Variants in ETS2 observed in about 807,000 individuals in gnomAD.
ETS2 encodes protein C-ets-2.
A neutral mutation model predicts 54.9 loss-of-function variants in ETS2; 19 were observed. The ratio of observed to expected loss-of-function variants is 0.35; its 90% CI spans 0.24 to 0.51. ETS2 has a LOEUF of 0.51. Among genes scored for constraint, ETS2 ranks in the 20% least tolerant of loss-of-function variants. The pLI is 0.97. For synonymous variants in ETS2, 219 were observed against 229.3 expected (o/e 0.95, Z 0.41); for missense variants, 417 against 593.0 (o/e 0.70, Z 3.08).
In ETS2 at chr21:38,805,948, T is replaced by A; in HGVS notation, c.-173T>A. The A allele has an allele frequency of 7.9e-7, 1 of 1,269,278 alleles. No individual in the cohort carries two copies. The highest frequency in any genetic ancestry group is 1.3e-5 in the South Asian group (1 of 79,352). The allele number at this position is 1,269,278 out of a possible 1,614,324, so 78.6% of individuals were successfully genotyped here. Reference sequence around the variant, plus strand: ...CGGCCCGGTTACTTCCTCCAGAGACTGACGAGTGCGGTGTCGCTCCAGCTC... The same window carrying A: ...CGGCCCGGTTACTTCCTCCAGAGACAGACGAGTGCGGTGTCGCTCCAGCTC... On this transcript the variant is annotated 5_prime_UTR_variant, in exon 1 of 10. Coordinates refer to ENST00000360938, the MANE Select transcript of ETS2 (RefSeq NM_005239.6). This position sits in a 1 kb window ranked among gnomAD's most constrained non-coding sequence, Gnocchi z 5.2.
At position 38,821,440 on chromosome 21, in the gene ETS2, G is replaced by A; in HGVS notation, c.1076-146G>A. ...CTTAGTACTGTCACCAACACCTTGA[G>A]TGCCACCCTGAGTGTAACATCGGAA... On this transcript the variant is annotated intron_variant, in intron 8 of 9. Transcript: ENST00000360938. This position sits in a 1 kb window ranked among gnomAD's most constrained non-coding sequence, Gnocchi z 4.2. 1 of 695,298 alleles carries A rather than the reference G, an allele frequency of 1.4e-6. No homozygotes were observed. The highest frequency in any genetic ancestry group is 2.5e-5 in the East Asian group (1 of 40,092). The allele number at this position is 695,298 out of a possible 1,614,324, so 43.1% of individuals were successfully genotyped here. A position where few individuals can be genotyped will look rare whatever the true frequency, so the allele number is the denominator to read the frequency against.
Position 38,809,054 on chromosome 21 carries a change from T to C in ETS2, c.1-981T>C, listed in dbSNP as rs556666844. On this transcript the variant is annotated intron_variant, in intron 1 of 9. Coordinates refer to ENST00000360938, the MANE Select transcript of ETS2 (RefSeq NM_005239.6). ...CCAAATAAATTTTCAGCCTATTATG[T>C]CATTGTCCAATTACAAGCCTCATTG... Among the ~76,000 whole-genome samples the C allele has an allele frequency of 2.6e-3, 401 of 152,376 alleles. 1 individual carries two copies. The highest frequency in any genetic ancestry group is 4.5e-3 in the Non-Finnish European group (308 of 68,040).
In ETS2 at chr21:38,824,425, C is replaced by CG. The variant is rs2060970927; in HGVS notation, c.*1538dup. ...AGAGCACCTGAGTCATGTGTATTCCCGGCCTTTATAAATGACCCGGTCAAG... is the reference window on the plus strand; with the variant it reads ...AGAGCACCTGAGTCATGTGTATTCCCGGGCCTTTATAAATGACCCGGTCAAG... On this transcript the variant is annotated 3_prime_UTR_variant, in exon 10 of 10. Transcript: ENST00000360938. 7.5e-6 allele frequency: 1 copy of CG among 133,564 alleles called. No homozygotes were observed. Among genetic ancestry groups the CG allele is most frequent in the Non-Finnish European group, 1.7e-5 (1 of 59,320 alleles). 8.3% of individuals were successfully genotyped at this position (133,564 alleles called of 1,614,324 possible). A position where few individuals can be genotyped will look rare whatever the true frequency, so the allele number is the denominator to read the frequency against.
intron 5 of ETS2, among the ~76,000 whole-genome samples, chr21:38,815,358 T>C (rs2060929056): frequency 6.6e-6 from 1 of 152,130 alleles, no homozygotes; most frequent in South Asian, 2.1e-4. Context: ...CTAAGAGATA[T>C]GGCAGCCTTA....
upstream of ETS2, chr21:38,805,921 G>A (rs2060890229): frequency 1.6e-6 from 2 of 1,248,694 alleles, no homozygotes; most frequent in Non-Finnish European, 1.0e-6. The surrounding 1 kb of genome is among the most constrained non-coding windows in gnomAD (Gnocchi z 5.2). Context: ...CCGCGTGGGG[G>A]ACGGCCCGGT....
intron 8 of ETS2, among the ~76,000 whole-genome samples, chr21:38,820,088 T>G (rs1280626166): frequency 6.6e-6 from 1 of 152,126 alleles, no homozygotes; most frequent in African/African-American, 2.4e-5. Flanking sequence ...ACTCCAAGAA[T>G]CTCAAAGAAT....
chr21:38,807,312 T>C (rs2060897380), intron 1 of ETS2, among the ~76,000 whole-genome samples: 1 of 152,178 alleles, frequency 6.6e-6, no homozygotes, highest in African/African-American at 2.4e-5. Context: ...ATCTAAATAA[T>C]CTTACATAAG....
upstream of ETS2, chr21:38,805,201 G>A: frequency 3.3e-6 from 2 of 612,612 alleles, no homozygotes; most frequent in South Asian, 2.1e-5. The surrounding 1 kb of genome is among the most constrained non-coding windows in gnomAD (Gnocchi z 5.2). Context: ...CGCGGAGCCT[G>A]CGGGATCGGG....
At chr21:38,820,438 C>G (rs2060953423) in intron 8 of ETS2, among the ~76,000 whole-genome samples, 1 of 152,218 alleles carries the variant, frequency 6.6e-6, no homozygotes. Context: ...TTTCTGTCAT[C>G]TAAGAACAAT....
At chr21:38,815,394 A>G (rs1364727389) in intron 5 of ETS2, among the ~76,000 whole-genome samples, 1 of 152,196 alleles carries the variant, frequency 6.6e-6, no homozygotes, top group African/African-American at 2.4e-5. Context: ...CTTTACTCAC[A>G]TAAACCCTGT....
At chr21:38,816,612 G>A (rs1369629530) in intron 5 of ETS2, among the ~76,000 whole-genome samples, 2 of 152,162 alleles carry the variant, frequency 1.3e-5, no homozygotes, top group Non-Finnish European at 2.9e-5. Context: ...GGAAGCAGTG[G>A]AACTGTAAGC....
chr21:38,815,323 C>T (rs751886751), intron 5 of ETS2, among the ~76,000 whole-genome samples: 4 of 151,988 alleles, frequency 2.6e-5, no homozygotes, highest in African/African-American at 9.7e-5. Flanking sequence ...AGAATTCCCA[C>T]GTCTTCTGAG....
At position 38,805,997 on chromosome 21, in the gene ETS2, A is replaced by C. The variant is rs2060890705; in HGVS notation, c.-124A>C. On this transcript the variant is annotated 5_prime_UTR_variant, in exon 1 of 10. Transcript: ENST00000360938. This position sits in a 1 kb window ranked among gnomAD's most constrained non-coding sequence, Gnocchi z 5.2. The stretch of plus-strand genomic sequence containing the variant: ...TCAGAGCTCCCGGAGCCGCCCGGCC[A>C]GCGTCCGGCCTCCCTGATCGTCTCT... 1 of 1,263,512 alleles carries C rather than the reference A, an allele frequency of 7.9e-7. No individual in the cohort carries two copies. The highest frequency in any genetic ancestry group is 1.6e-5 in the African/African-American group (1 of 62,492). 78.3% of individuals were successfully genotyped at this position (1,263,512 alleles called of 1,614,324 possible).
Position 38,821,824 on chromosome 21 carries a change from G to T in ETS2, c.1194+120G>T. The T allele has an allele frequency of 1.4e-6, 1 of 712,622 alleles. No individual in the cohort carries two copies. The highest frequency in any genetic ancestry group is 1.6e-5 in the South Asian group (1 of 60,692). The allele number at this position is 712,622 out of a possible 1,614,324, so 44.1% of individuals were successfully genotyped here. ...CCAGTACTGCTGAGAATCTTTCCAC[G>T]TGAGGCATCCTTGGCTGTTGGGAAA... On this transcript the variant is annotated intron_variant, in intron 9 of 9. Coordinates refer to ENST00000360938, the MANE Select transcript of ETS2 (RefSeq NM_005239.6). The surrounding 1 kb of genome is among the most constrained non-coding windows in gnomAD (Gnocchi z 4.2).
At chr21:38,809,575 C>A (rs2060906186) in intron 1 of ETS2, 1 of 155,010 alleles carries the variant, frequency 6.5e-6, no homozygotes, top group Non-Finnish European at 1.4e-5. Context: ...TAGAAATGAC[C>A]CCTGCAGCTG....
intron 7 of ETS2, 113 bp downstream of exon 7, chr21:38,818,759 C>CA (rs2060945471): frequency 6.5e-6 from 8 of 1,231,268 alleles, no homozygotes; most frequent in Non-Finnish European, 9.3e-6. Context: ...AGAAGGGGGT[C>CA]AAAGCCCATG....
rs1194176506 is a variant in ETS2 at position 38,814,461 on chromosome 21, A to G, written c.304+69A>G. 2 of 1,580,540 alleles carry G rather than the reference A, an allele frequency of 1.3e-6. No homozygotes were observed. Among genetic ancestry groups the G allele is most frequent in the Admixed American group, 3.5e-5 (2 of 56,764 alleles). On this transcript the variant is annotated intron_variant, in intron 4 of 9. Transcript: ENST00000360938. This position sits in a 1 kb window ranked among gnomAD's most constrained non-coding sequence, Gnocchi z 4.2. Reference sequence around the variant, plus strand: ...ACTTCAGTGCAGTTGTTTGATCTTGACTTGTTTATTAAGCTTTTGCTTGGG... The same window carrying G: ...ACTTCAGTGCAGTTGTTTGATCTTGGCTTGTTTATTAAGCTTTTGCTTGGG...
chr21:38,807,647 C>G (rs557422604), intron 1 of ETS2, among the ~76,000 whole-genome samples: 1 of 152,192 alleles, frequency 6.6e-6, no homozygotes, highest in East Asian at 1.9e-4. Flanking sequence ...CAAAAGAATT[C>G]TATTCTGTAG....
chr21:38,808,809 G>C (rs1204944117), intron 1 of ETS2, among the ~76,000 whole-genome samples: 1 of 152,224 alleles, frequency 6.6e-6, no homozygotes, highest in Non-Finnish European at 1.5e-5. Flanking sequence ...AAACAGGTAA[G>C]AGCACCCAGT....
Sources: allele counts gnomAD v4.1 joint callset (sites outside exome capture counted in the v4.1 genomes callset), GRCh38; gene constraint gnomAD v4.1.1; non-coding constraint Gnocchi (gnomAD v3.1); transcripts MANE v1.5; gene names NCBI Gene and HGNC (gene_info 2026-07-23, HGNC 2026-07-21).